The following ERC2 variants were observed in gnomAD, a reference collection of about 807,000 sequenced individuals.
ERC2 encodes ERC protein 2.
In ERC2, 42 loss-of-function variants were observed where a neutral mutation model predicts 114.8. The ratio of observed to expected loss-of-function variants is 0.37; its 90% confidence interval spans 0.29 to 0.47. The LOEUF is 0.47. Among genes scored for constraint, ERC2 ranks in the 20% least tolerant of loss-of-function variants. The pLI is 0.99. For synonymous variants in ERC2, 454 were observed against 425.5 expected (o/e 1.07, Z -0.82); for missense variants, 939 against 1,150.7 (o/e 0.82, Z 2.66).
intron 14 of ERC2, among the ~76,000 whole-genome samples, chr3:55,880,803 G>T (rs533439706): frequency 6.8e-6 from 1 of 147,520 alleles, no homozygotes; most frequent in Non-Finnish European, 1.5e-5. Context: ...AAAAAAAAAA[G>T]AAAAAAAAGA....
intron 4 of ERC2, among the ~76,000 whole-genome samples, chr3:56,160,544 C>T (rs757488068): frequency 1.3e-5 from 2 of 152,138 alleles, no homozygotes; most frequent in African/African-American, 2.4e-5. Context: ...GTCATAAATC[C>T]TTTCACAAGG....
chr3:56,106,762 T>C (rs1346226099), intron 6 of ERC2, among the ~76,000 whole-genome samples: 1 of 152,224 alleles, frequency 6.6e-6, no homozygotes, highest in East Asian at 1.9e-4. Flanking sequence ...CTTATATTTA[T>C]CAGCATTCTT....
chr3:56,204,136 C>G (rs976950525), intron 3 of ERC2, among the ~76,000 whole-genome samples: 1 of 152,118 alleles, frequency 6.6e-6, no homozygotes, highest in Non-Finnish European at 1.5e-5. Flanking sequence ...CTGCAGTGAG[C>G]CAAGATCACA....
intron 17 of ERC2, among the ~76,000 whole-genome samples, chr3:55,611,530 T>C (rs1484620870): frequency 6.6e-6 from 1 of 152,174 alleles, no homozygotes; most frequent in African/African-American, 2.4e-5. Flanking sequence ...GCAGTTTCTT[T>C]CTCTACAAGA....
intron 3 of ERC2, among the ~76,000 whole-genome samples, chr3:56,246,904 G>T (rs1376293435): frequency 6.6e-6 from 1 of 152,338 alleles, no homozygotes; most frequent in South Asian, 2.1e-4. Flanking sequence ...GCTCGGCATG[G>T]ATGGATCCCA....
rs547906339 is a variant in ERC2, at chr3:56,139,504, C to T, written c.1473+5G>A. The T allele has an allele frequency of 3.7e-6, 6 of 1,609,762 alleles. No individual in the cohort carries two copies. Among genetic ancestry groups the T allele is most frequent in the African/African-American group, 2.7e-5 (2 of 74,772 alleles). ...GCTGTCTAGAATCCTGAGAGAGTGC[C>T]TTACCTCAGTCTGAAGGATGGCAGC... On this transcript the variant is annotated splice_donor_5th_base_variant and intron_variant, in intron 6 of 17. Transcript: ENST00000288221.
At chr3:56,456,325 C>T (rs2063060468) in intron 1 of ERC2, among the ~76,000 whole-genome samples, 1 of 152,196 alleles carries the variant, frequency 6.6e-6, no homozygotes, top group African/African-American at 2.4e-5. Flanking sequence ...GATTAGGTTA[C>T]ATACTCTGGT....
chr3:55,940,124 G>A (rs2066691885), intron 13 of ERC2, among the ~76,000 whole-genome samples: 1 of 152,058 alleles, frequency 6.6e-6, no homozygotes, highest in Admixed American at 6.6e-5. Context: ...CTCCTGACCT[G>A]CATGTTCTAT....
At chr3:55,571,858 G>A (rs139343646) in intron 17 of ERC2, among the ~76,000 whole-genome samples, 2 of 152,166 alleles carry the variant, frequency 1.3e-5, no homozygotes, top group Non-Finnish European at 2.9e-5. Context: ...ATACCTGCAG[G>A]GGGTACTGAA....
At position 55,830,049 on chromosome 3, in the gene ERC2, TCAAA is replaced by T. The variant is rs562228195; in HGVS notation, c.2564+58336_2564+58339del. Among the ~76,000 whole-genome samples the T allele has an allele frequency of 3.1e-3, 467 of 151,336 alleles. 4 individuals carry two copies. Among genetic ancestry groups the T allele is most frequent in the African/African-American group, 0.011 (439 of 41,236 alleles). The stretch of plus-strand genomic sequence containing the variant: ...AAATCAAACTGCTAAAAACAAAAGG[TCAAA>T]CAAACAAATAACAAACAAAAATAGG... On this transcript the variant is annotated intron_variant, in intron 14 of 17. Coordinates refer to ENST00000288221, the MANE Select transcript of ERC2 (RefSeq NM_015576.3).
At chr3:55,888,892 T>C (rs889220751) in intron 13 of ERC2, among the ~76,000 whole-genome samples, 1 of 152,170 alleles carries the variant, frequency 6.6e-6, no homozygotes, top group African/African-American at 2.4e-5. Flanking sequence ...ATATCACCTG[T>C]TCCCCCAAAA....
chr3:56,061,644 T>A (rs1344760151), intron 7 of ERC2, among the ~76,000 whole-genome samples: 3 of 152,076 alleles, frequency 2.0e-5, no homozygotes, highest in African/African-American at 4.8e-5. Flanking sequence ...ACAACAAATG[T>A]TTGGACTATG....
chr3:56,206,903 C>T (rs535255531), intron 3 of ERC2, among the ~76,000 whole-genome samples: 1 of 152,314 alleles, frequency 6.6e-6, no homozygotes, highest in African/African-American at 2.4e-5. Context: ...TAAATAGATG[C>T]AACAGAGCTA....
intron 10 of ERC2, among the ~76,000 whole-genome samples, chr3:55,998,199 TATAA>T (rs2071749699): frequency 6.6e-6 from 1 of 151,964 alleles, no homozygotes; most frequent in Non-Finnish European, 1.5e-5. Context: ...ATAGGATATG[TATAA>T]ATAAATATAA....
At chr3:56,274,435 G>A (rs2053859848) in intron 3 of ERC2, among the ~76,000 whole-genome samples, 1 of 152,088 alleles carries the variant, frequency 6.6e-6, no homozygotes, top group African/African-American at 2.4e-5. Flanking sequence ...AAGTCCTGAA[G>A]AACCTGAATA....
intron 3 of ERC2, among the ~76,000 whole-genome samples, chr3:56,218,529 T>G (rs1009952039): frequency 6.6e-6 from 1 of 152,234 alleles, no homozygotes; most frequent in Non-Finnish European, 1.5e-5. Context: ...GGAACACTTT[T>G]ACACTGTTGG....
intron 17 of ERC2, among the ~76,000 whole-genome samples, chr3:55,512,688 A>G (rs915238973): frequency 6.6e-6 from 1 of 152,250 alleles, no homozygotes; most frequent in African/African-American, 2.4e-5. Context: ...GTAGCAAAGA[A>G]CAGTCATTTA....
chr3:56,125,918 T>G (rs1388328891), intron 6 of ERC2, among the ~76,000 whole-genome samples: 1 of 152,194 alleles, frequency 6.6e-6, no homozygotes, highest in Non-Finnish European at 1.5e-5. Flanking sequence ...TGCAGGCAAC[T>G]AATTTACTTT....
intron 7 of ERC2, among the ~76,000 whole-genome samples, chr3:56,056,587 T>TG (rs1388275684): frequency 5.3e-5 from 8 of 152,164 alleles, no homozygotes; most frequent in Non-Finnish European, 1.2e-4. Context: ...GTGAGAGAGT[T>TG]GGGGCCTCCT....
Sources: gnomAD v4.1 joint callset for allele counts (sites outside exome capture counted in the v4.1 genomes callset) on GRCh38, gnomAD v4.1.1 for gene constraint, MANE v1.5 for transcripts, NCBI Gene and HGNC (gene_info 2026-07-23, HGNC 2026-07-21) for gene names.